Variants in SDAD1 observed in about 807,000 individuals in gnomAD.
SDAD1 encodes the protein protein SDA1 homolog.
SDAD1 carries 79 observed loss-of-function variants against 100.3 expected under a neutral mutation model. The observed-to-expected ratio is 0.79, with a 90% CI of 0.66 to 0.95. The LOEUF (loss-of-function observed/expected upper bound fraction) is 0.95. SDAD1 is among the 40% of genes least tolerant of loss of function. SDAD1 has a pLI of 0.00. For synonymous variants in SDAD1, 267 were observed against 271.4 expected (o/e 0.98, Z 0.16); for missense variants, 790 against 810.9 (o/e 0.97, Z 0.31).
Position 75,990,907 on chromosome 4 carries a change from T to G in SDAD1, c.-66A>C. On this transcript the variant is annotated 5_prime_UTR_variant, in exon 1 of 22. Transcript: ENST00000356260. ...AACTCAGACGGCCGGCACCCCGCAA[T>G]CCCTGCCAGCTGCAGCTTGGACTCG... 1 of 1,593,782 alleles carries G rather than the reference T, an allele frequency of 6.3e-7. No homozygotes were observed. The highest frequency in any genetic ancestry group is 8.6e-7 in the Non-Finnish European group (1 of 1,163,804).
chr4:75,981,315 T>TATGAACGCAGCACAC, intron 3 of SDAD1, 57 bp downstream of exon 3: 1 of 1,468,880 alleles, frequency 6.8e-7, no homozygotes, highest in Non-Finnish European at 9.5e-7. Flanking sequence ...TTTAAATATA[T>TATGAACGCAGCACAC]ATGAACGCAG....
chr4:75,978,442 A>G (rs1730283875), intron 3 of SDAD1, among the ~76,000 whole-genome samples: 1 of 150,874 alleles, frequency 6.6e-6, no homozygotes, highest in Admixed American at 6.6e-5. Context: ...TTCTCAAATG[A>G]TGCTCCTACT....
At chr4:75,977,529 G>T in intron 4 of SDAD1, 117 bp downstream of exon 4, 1 of 722,894 alleles carries the variant, frequency 1.4e-6, no homozygotes. Flanking sequence ...GCACACAATG[G>T]TTGCTTTTTC....
At chr4:75,968,761 G>C (rs535178511) in intron 11 of SDAD1, among the ~76,000 whole-genome samples, 1 of 152,306 alleles carries the variant, frequency 6.6e-6, no homozygotes, top group Middle Eastern at 3.4e-3. Context: ...GCCAGGTGCG[G>C]TGGCTCATGC....
At chr4:75,960,301 G>GA in intron 16 of SDAD1, 109 bp from the exon 17 acceptor site, 1 of 1,073,002 alleles carries the variant, frequency 9.3e-7, no homozygotes, top group Non-Finnish European at 1.3e-6. Flanking sequence ...TTTGAAGACA[G>GA]GGTCTTGCTC....
Position 75,967,310 on chromosome 4 carries a change from A to C in SDAD1, c.1012T>G (p.Phe338Val). The change falls in exon 12 of 22, where the codon TTT becomes GTT. Residue 338 changes from phenylalanine (F) to valine (V), a missense_variant. Physicochemically the swap from Phe to Val is conservative, Grantham distance 50. Transcript: ENST00000356260. ...HELFLFNFYP[F>V]LQRFLQPHQR... is the part of the protein sequence containing the mutation. ...TGGGGCTGCAGAAACCTTTGCAAAAAGGGATAGAAATTGAAGAGGAAAAGC... is the reference window on the plus strand; with the variant it reads ...TGGGGCTGCAGAAACCTTTGCAAAACGGGATAGAAATTGAAGAGGAAAAGC... 6.2e-7 allele frequency: 1 copy of C among 1,613,970 alleles called. No homozygotes were observed.
intron 16 of SDAD1, 144 bp downstream of exon 16, chr4:75,960,884 C>A: frequency 1.4e-6 from 1 of 705,416 alleles, no homozygotes; most frequent in Admixed American, 2.4e-5. Flanking sequence ...GTATTTGATT[C>A]CAAGCTTAAA....
intron 14 of SDAD1, 65 bp downstream of exon 14, chr4:75,964,070 G>T: frequency 9.5e-7 from 1 of 1,056,514 alleles, no homozygotes; most frequent in Non-Finnish European, 1.5e-6. Flanking sequence ...TTACATCTTG[G>T]TAACTTATAG....
chr4:75,974,109 A>G lies in SDAD1; in HGVS notation c.603T>C (p.Val201=). 1.9e-6 allele frequency: 3 copies of G among 1,613,826 alleles called. No individual in the cohort carries two copies. Among genetic ancestry groups the G allele is most frequent in the Non-Finnish European group, 2.5e-6 (3 of 1,179,802 alleles). ...CCTTAGAGAAACATGCAGTTGTGAT[A>G]ACATTGACAGTTTTTGCATCATTCC... The part of the protein sequence containing the change: ...NIWNDAKTVN[V]ITTACFSKVT... The change falls in exon 7 of 22, where the codon GTT becomes GTC. Residue 201 remains valine, a synonymous_variant. Transcript: ENST00000356260.
intron 21 of SDAD1, among the ~76,000 whole-genome samples, chr4:75,952,398 C>T (rs578021363): frequency 6.6e-6 from 1 of 152,292 alleles, no homozygotes; most frequent in African/African-American, 2.4e-5. Context: ...TCAAATGCCA[C>T]CAATTAAAGA....
chr4:75,980,545 G>A (rs1169892375), intron 3 of SDAD1, among the ~76,000 whole-genome samples: 1 of 151,910 alleles, frequency 6.6e-6, no homozygotes, highest in Non-Finnish European at 1.5e-5. Flanking sequence ...TTTATTACAA[G>A]TGATTTGTTG....
rs1729418800 is a variant in SDAD1 at position 75,964,355 on chromosome 4, G to A, written c.1105-144C>T. 6.3e-6 allele frequency: 4 copies of A among 637,232 alleles called. No homozygotes were observed. The Admixed American group carries it at 1.3e-4, about 21-fold the overall frequency. 39.5% of individuals were successfully genotyped at this position (637,232 alleles called of 1,614,324 possible). A position where few individuals can be genotyped will look rare whatever the true frequency, so the allele number is the denominator to read the frequency against. Reference sequence around the variant, plus strand: ...AGGAATTGGAAGTAATCAAGATTAAGGAAGACAGAAGAAAACACTCCACTT... The same window carrying A: ...AGGAATTGGAAGTAATCAAGATTAAAGAAGACAGAAGAAAACACTCCACTT... On this transcript the variant is annotated intron_variant, in intron 13 of 21. Coordinates refer to ENST00000356260, the MANE Select transcript of SDAD1 (RefSeq NM_018115.4).
chr4:75,981,905 G>A, intron 2 of SDAD1, 28 bp downstream of exon 2: 1 of 1,432,344 alleles, frequency 7.0e-7, no homozygotes, highest in Non-Finnish European at 9.8e-7. Context: ...GTTAATACTG[G>A]TCTTTATTTA....
chr4:75,952,502 C>T (rs1728670826), intron 21 of SDAD1, among the ~76,000 whole-genome samples: 1 of 152,134 alleles, frequency 6.6e-6, no homozygotes, highest in Non-Finnish European at 1.5e-5. Context: ...GCTTTACTTC[C>T]CTCTTCTAGT....
chr4:75,954,825 C>T (rs1421917547), intron 21 of SDAD1, among the ~76,000 whole-genome samples: 1 of 152,006 alleles, frequency 6.6e-6, no homozygotes, highest in Non-Finnish European at 1.5e-5. Flanking sequence ...GTTCATAGCT[C>T]TGGGAATGGA....
intron 11 of SDAD1, among the ~76,000 whole-genome samples, chr4:75,968,959 A>G (rs2149318782): frequency 7.6e-6 from 1 of 131,458 alleles, no homozygotes; most frequent in East Asian, 2.6e-4. Flanking sequence ...TGAACCCAGG[A>G]GGTGGAGGTT....
intron 13 of SDAD1, 52 bp downstream of exon 13, chr4:75,965,712 G>GT: frequency 2.7e-6 from 4 of 1,478,276 alleles, no homozygotes; most frequent in Non-Finnish European, 3.8e-6. Context: ...GTACCTAACA[G>GT]TAACACTGTC....
chr4:75,980,274 C>T (rs982346842), intron 3 of SDAD1, among the ~76,000 whole-genome samples: 3 of 152,238 alleles, frequency 2.0e-5, no homozygotes, highest in African/African-American at 7.2e-5. Context: ...CTTGGCTTGT[C>T]TGAGACAGTA....
chr4:75,985,026 G>A (rs918689131), intron 1 of SDAD1, among the ~76,000 whole-genome samples: 5 of 151,978 alleles, frequency 3.3e-5, no homozygotes, highest in African/African-American at 4.8e-5. Context: ...CTCTTGACCC[G>A]ACACCTCCAC....
Sources: gnomAD v4.1 joint callset for allele counts (sites outside exome capture counted in the v4.1 genomes callset) on GRCh38, gnomAD v4.1.1 for gene constraint, MANE v1.5 for transcripts, NCBI Gene and HGNC (gene_info 2026-07-23, HGNC 2026-07-21) for gene names.